DOK6: variants seen among roughly 807,000 people sequenced by gnomAD.
DOK6 encodes the protein docking protein 6.
A neutral mutation model predicts 44.0 loss-of-function variants in DOK6; 22 were observed. That is an observed-to-expected ratio of 0.50 (90% CI 0.36 to 0.71). DOK6 has a LOEUF of 0.71. Ranked by LOEUF, DOK6 falls within the 30% of genes least tolerant of loss-of-function variation. The probability of loss-of-function intolerance (pLI) is 0.00; values close to 1 mark genes in which losing one functional copy is unlikely to be tolerated. For synonymous variants in DOK6, 166 were observed against 145.5 expected (o/e 1.14, Z -1.01); for missense variants, 340 against 416.4 (o/e 0.82, Z 1.60).
intron 1 of DOK6, among the ~76,000 whole-genome samples, chr18:69,419,897 G>A (rs1978438018): frequency 6.6e-6 from 1 of 152,118 alleles, no homozygotes; most frequent in South Asian, 2.1e-4. Context: ...CACCTTCATA[G>A]AGGCACTTTG....
At chr18:69,599,995 C>T (rs1245620524) in intron 3 of DOK6, among the ~76,000 whole-genome samples, 1 of 152,180 alleles carries the variant, frequency 6.6e-6, no homozygotes, top group African/African-American at 2.4e-5. Flanking sequence ...TCGTAAAGCA[C>T]TCTGACATTA....
chr18:69,490,505 C>G (rs1980705751), intron 1 of DOK6, among the ~76,000 whole-genome samples: 1 of 151,860 alleles, frequency 6.6e-6, no homozygotes, highest in Admixed American at 6.6e-5. Context: ...AATGGCATGC[C>G]TTTTAGGGAA....
At chr18:69,693,391 C>T (rs751066920) in intron 4 of DOK6, among the ~76,000 whole-genome samples, 14 of 151,174 alleles carry the variant, frequency 9.3e-5, no homozygotes, top group Non-Finnish European at 1.9e-4. Flanking sequence ...TACAAAAATG[C>T]ATTTTATGTG....
intron 6 of DOK6, among the ~76,000 whole-genome samples, chr18:69,751,592 G>C (rs546914943): frequency 1.3e-5 from 2 of 152,236 alleles, no homozygotes; most frequent in African/African-American, 4.8e-5. Context: ...ATCTTTTCAA[G>C]TACTTACAAG....
intron 1 of DOK6, among the ~76,000 whole-genome samples, chr18:69,539,198 A>T (rs1982201532): frequency 6.6e-6 from 1 of 152,112 alleles, no homozygotes. Context: ...ATATAAATTT[A>T]AAAAAACAAC....
intron 3 of DOK6, among the ~76,000 whole-genome samples, chr18:69,669,216 T>G (rs1289776716): frequency 6.6e-6 from 1 of 152,208 alleles, no homozygotes; most frequent in African/African-American, 2.4e-5. Flanking sequence ...ATGAGCAAAG[T>G]ACCCGACAGG....
chr18:69,455,730 A>C (rs901786824), intron 1 of DOK6, among the ~76,000 whole-genome samples: 2 of 152,218 alleles, frequency 1.3e-5, no homozygotes, highest in Admixed American at 1.3e-4. Flanking sequence ...TAAATGCCAC[A>C]GCATAAAATG....
intron 1 of DOK6, among the ~76,000 whole-genome samples, chr18:69,467,781 C>T (rs374311692): frequency 5.1e-4 from 77 of 152,124 alleles, no homozygotes; most frequent in African/African-American, 1.7e-3. Context: ...TACGCAGTTT[C>T]CTGTATCATT....
intron 3 of DOK6, chr18:69,660,331 G>C (rs2144671314): frequency 6.6e-6 from 1 of 152,218 alleles, no homozygotes; most frequent in African/African-American, 2.4e-5. Context: ...AAGTGTCTTT[G>C]TATATTCAAA....
intron 1 of DOK6, among the ~76,000 whole-genome samples, chr18:69,549,870 A>AT (rs33984742): frequency 0.32 from 45,860 of 143,108 alleles, 8,134 homozygotes; most frequent in African/African-American, 0.4. Flanking sequence ...AGAGTTTTTA[A>AT]TTTTTTTTTT....
At chr18:69,744,303 C>T (rs1978904591) in intron 6 of DOK6, among the ~76,000 whole-genome samples, 1 of 78,960 alleles carries the variant, frequency 1.3e-5, no homozygotes, top group African/African-American at 3.5e-5. Context: ...GAGCAGGACT[C>T]CGTATCAAAA....
At chr18:69,738,144 C>A (rs760542159) in intron 5 of DOK6, among the ~76,000 whole-genome samples, 4 of 152,180 alleles carry the variant, frequency 2.6e-5, no homozygotes, top group Non-Finnish European at 4.4e-5. Context: ...TGAGACATTT[C>A]TTTTCTATTG....
At chr18:69,819,920 C>T (rs1010858646) in intron 7 of DOK6, among the ~76,000 whole-genome samples, 17 of 151,982 alleles carry the variant, frequency 1.1e-4, no homozygotes, top group Non-Finnish European at 2.5e-4. Context: ...CTAACACTAA[C>T]GATAACTGAT....
chr18:69,755,172 A>G (rs1457498221), intron 6 of DOK6, among the ~76,000 whole-genome samples: 3 of 152,216 alleles, frequency 2.0e-5, no homozygotes, highest in African/African-American at 7.2e-5. Flanking sequence ...CATGAGGCGT[A>G]AAACAATACA....
At chr18:69,481,493 G>A (rs1280525443) in intron 1 of DOK6, among the ~76,000 whole-genome samples, 19 of 151,950 alleles carry the variant, frequency 1.3e-4, no homozygotes, top group African/African-American at 3.6e-4. Flanking sequence ...TTGTCCTTGC[G>A]ATAGTTTCTG....
At chr18:69,489,782 T>C (rs1272748891) in intron 1 of DOK6, among the ~76,000 whole-genome samples, 1 of 152,182 alleles carries the variant, frequency 6.6e-6, no homozygotes, top group East Asian at 1.9e-4. Context: ...ATGTCTTAGG[T>C]TGATATTTTA....
At chr18:69,743,710 C>T (rs1386560701) in intron 6 of DOK6, among the ~76,000 whole-genome samples, 1 of 149,858 alleles carries the variant, frequency 6.7e-6, no homozygotes, top group South Asian at 2.1e-4. Flanking sequence ...AATAAGTAAG[C>T]AAAAAGAAGT....
chr18:69,612,248 G>GA (rs1271647588), intron 3 of DOK6, among the ~76,000 whole-genome samples: 7 of 150,448 alleles, frequency 4.7e-5, no homozygotes, highest in Non-Finnish European at 8.9e-5. Context: ...GACAGTTGCG[G>GA]AAAAAATTGT....
chr18:69,410,438 A>T (rs1978301171), intron 1 of DOK6, among the ~76,000 whole-genome samples: 1 of 152,244 alleles, frequency 6.6e-6, no homozygotes, highest in African/African-American at 2.4e-5. Context: ...GTAACATGCT[A>T]GACTCCTCTA....
Sources: gnomAD v4.1 joint callset for allele counts (sites outside exome capture counted in the v4.1 genomes callset) on GRCh38, gnomAD v4.1.1 for gene constraint, MANE v1.5 for transcripts, NCBI Gene and HGNC (gene_info 2026-07-23, HGNC 2026-07-21) for gene names.